MT1X: variants seen among roughly 807,000 people sequenced by gnomAD.
The protein encoded by MT1X is metallothionein 1X, also known as metallothionein-1X.
Under a neutral mutation model 8.6 loss-of-function variants are expected in MT1X, and 7 were observed. The observed-to-expected ratio is 0.81, with a 90% confidence interval of 0.46 to 1.52. The LOEUF (loss-of-function observed/expected upper bound fraction) is 1.52, where lower values mean the gene tolerates loss of function less well. MT1X is among the 40% of genes most tolerant of loss of function. The probability of loss-of-function intolerance (pLI) is 0.01; values close to 1 mark genes in which losing one functional copy is unlikely to be tolerated. For synonymous variants in MT1X, 25 were observed against 27.6 expected, an observed-to-expected ratio of 0.91 and a Z score of 0.30; for missense variants, 72 against 74.3, an observed-to-expected ratio of 0.97 and a Z score of 0.11.
chr16:56,683,415 A>G (rs1567358548), intron 2 of MT1X, 185 bp downstream of exon 2: 1 of 630,552 alleles, frequency 1.6e-6, no homozygotes, highest in East Asian at 3.1e-5. Flanking sequence ...TTACCAAACT[A>G]GAAACTGAGG....
At chr16:56,683,340 C>T in intron 2 of MT1X, 110 bp downstream of exon 2, 1 of 1,242,374 alleles carries the variant, frequency 8.0e-7, no homozygotes, top group Admixed American at 2.0e-5. Context: ...CAAACCCCTC[C>T]TTCAACACCT....
Position 56,684,125 on chromosome 16 carries a change from T to G in MT1X, c.*76T>G. 5 of 1,274,882 alleles carry G rather than the reference T, an allele frequency of 3.9e-6. No homozygotes were observed. The highest frequency in any genetic ancestry group is 5.3e-6 in the Non-Finnish European group (5 of 948,888). The allele number at this position is 1,274,882 out of a possible 1,614,324, so 79.0% of individuals were successfully genotyped here. ...TGGATTTTTTTTTTTTTTTTTTTTG[T>G]ACAACCCTGACCCGTTTGCTACATC... is the stretch of plus-strand genomic sequence containing the variant. On this transcript the variant is annotated 3_prime_UTR_variant, in exon 3 of 3. Transcript: ENST00000394485.
At chr16:56,683,396 A>G (rs1035134665) in intron 2 of MT1X, 166 bp downstream of exon 2, 24 of 720,076 alleles carry the variant, frequency 3.3e-5, no homozygotes, top group Non-Finnish European at 4.9e-5. Context: ...GGTGAGTCCC[A>G]GCCTCTTATT....
intron 2 of MT1X, 60 bp downstream of exon 2, chr16:56,683,290 A>T (rs149181278): frequency 1.9e-6 from 3 of 1,599,412 alleles, no homozygotes; most frequent in African/African-American, 1.3e-5. Context: ...CAGGGAACCC[A>T]GAGCTCTGCA....
intron 1 of MT1X, chr16:56,682,817 G>C (rs999186396): frequency 2.7e-5 from 16 of 602,850 alleles, no homozygotes; most frequent in Non-Finnish European, 4.4e-5. Flanking sequence ...GGGGCTGCTG[G>C]CTGAGCCCCA....
chr16:56,683,536 C>A, intron 2 of MT1X: 1 of 411,106 alleles, frequency 2.4e-6, no homozygotes, highest in Non-Finnish European at 4.4e-6. Context: ...CACTTAAGGC[C>A]CAGGATCTGG....
rs776781176 is a variant in MT1X at position 56,683,179 on chromosome 16, T to C, written c.43T>C (p.Cys15Arg). ...CTTCCTTGCAGTTGGCTCCTGTGCCTGTGCCGGCTCCTGCAAATGCAAAGA... is the reference window on the plus strand; with the variant it reads ...CTTCCTTGCAGTTGGCTCCTGTGCCCGTGCCGGCTCCTGCAAATGCAAAGA... ...CSCSPVGSCA[C>R]AGSCKCKECK... Residue 15 changes from cysteine to arginine, a missense_variant, in exon 2 of 3, where the codon TGT (cysteine) becomes CGT (arginine). Physicochemically the swap from Cys to Arg is radical, Grantham distance 180. Coordinates refer to ENST00000394485, the MANE Select transcript of MT1X (RefSeq NM_005952.4). 10 of 1,613,962 alleles carry C rather than the reference T, an allele frequency of 6.2e-6. No individual in the cohort carries two copies. Among genetic ancestry groups the C allele is most frequent in the South Asian group, 4.4e-5 (4 of 91,092 alleles).
At position 56,682,719 on chromosome 16, in the gene MT1X, A is replaced by G; in HGVS notation, c.28+151A>G. 4 of 972,392 alleles carry G rather than the reference A, an allele frequency of 4.1e-6. No individual in the cohort carries two copies. The South Asian group carries it at 6.1e-5, about 15-fold the overall frequency. 60.2% of individuals were successfully genotyped at this position (972,392 alleles called of 1,614,324 possible). On this transcript the variant is annotated intron_variant, in intron 1 of 2. Transcript: ENST00000394485. ...CTTTCTTCCCGATCACGTCCCTGAGACCACTTCTCGCCTCCCTGTGCCTCT... is the reference window on the plus strand; with the variant it reads ...CTTTCTTCCCGATCACGTCCCTGAGGCCACTTCTCGCCTCCCTGTGCCTCT...
At position 56,682,521 on chromosome 16, in the gene MT1X, C is replaced by T. The variant is rs1471252631; in HGVS notation, c.-20C>T. On this transcript the variant is annotated 5_prime_UTR_variant, in exon 1 of 3. Coordinates refer to ENST00000394485, the MANE Select transcript of MT1X (RefSeq NM_005952.4). ...GTGTTTTCCTCTTGATCGGGAACTC[C>T]TGCTTCTCCTTGCCTCGAAATGGAC... 13 of 1,614,090 alleles carry T rather than the reference C, an allele frequency of 8.1e-6. No homozygotes were observed. The highest frequency in any genetic ancestry group is 1.1e-5 in the Non-Finnish European group (13 of 1,180,034).
At chr16:56,683,744 C>A in intron 2 of MT1X, 1 of 656,812 alleles carries the variant, frequency 1.5e-6, no homozygotes, top group Non-Finnish European at 2.6e-6. Flanking sequence ...CCTGTCCAGT[C>A]TTCTGTCCTG....
chr16:56,683,399 C>G (rs1284365854), intron 2 of MT1X, 169 bp downstream of exon 2: 1 of 688,180 alleles, frequency 1.5e-6, no homozygotes, highest in African/African-American at 1.8e-5. Flanking sequence ...GAGTCCCAGC[C>G]TCTTATTACC....
In MT1X at chr16:56,683,149, T is replaced by C. The variant is rs1302015087; in HGVS notation, c.29-16T>C. The stretch of plus-strand genomic sequence containing the variant: ...CATCTCACTCCACGCTCACTGCCTT[T>C]TTCTCTTCCTTGCAGTTGGCTCCTG... On this transcript the variant is annotated splice_polypyrimidine_tract_variant and intron_variant, in intron 1 of 2. Coordinates refer to ENST00000394485, the MANE Select transcript of MT1X (RefSeq NM_005952.4). 1.2e-5 allele frequency: 19 copies of C among 1,613,654 alleles called. No individual in the cohort carries two copies. Among genetic ancestry groups the C allele is most frequent in the Non-Finnish European group, 1.5e-5 (18 of 1,179,794 alleles).
In MT1X at chr16:56,683,917, T is replaced by C. The variant is rs768121081; in HGVS notation, c.95-41T>C. The C allele has an allele frequency of 1.7e-5, 28 of 1,612,548 alleles. 1 individual carries two copies. The highest frequency in any genetic ancestry group is 5.5e-5 in the South Asian group (5 of 90,964). ...TCTGTTGGGGCAGGGAGGTGCCTGA[T>C]TGAGTCTGCTCTGACCTCTCACTCT... On this transcript the variant is annotated intron_variant, in intron 2 of 2. Coordinates refer to ENST00000394485, the MANE Select transcript of MT1X (RefSeq NM_005952.4).
At chr16:56,683,877 G>C (rs1337238475) in intron 2 of MT1X, 81 bp from the exon 3 acceptor site, 1 of 1,588,338 alleles carries the variant, frequency 6.3e-7, no homozygotes, top group Non-Finnish European at 8.6e-7. Flanking sequence ...CTGGAGGCAG[G>C]GCTCGAGCCA....
rs1394714302 is a variant in MT1X, at chr16:56,682,532, T to C, written c.-9T>C. ...TTGATCGGGAACTCCTGCTTCTCCTTGCCTCGAAATGGACCCCAACTGCTC... is the reference window on the plus strand; with the variant it reads ...TTGATCGGGAACTCCTGCTTCTCCTCGCCTCGAAATGGACCCCAACTGCTC... On this transcript the variant is annotated 5_prime_UTR_variant, in exon 1 of 3. Transcript: ENST00000394485. 3.1e-6 allele frequency: 5 copies of C among 1,614,104 alleles called. No homozygotes were observed. Among genetic ancestry groups the C allele is most frequent in the Admixed American group, 3.3e-5 (2 of 60,008 alleles).
rs377635444 is a variant in MT1X, at chr16:56,683,999, C to G, written c.136C>G (p.Gln46Glu). Residue 46 changes from glutamine to glutamate, a missense_variant, in exon 3 of 3, where the codon CAG becomes GAG. Gln to Glu is a conservative substitution (Grantham distance 29). Transcript: ENST00000394485. ...CCCTGTGGGCTGTGCCAAGTGTGCC[C>G]AGGGCTGCATCTGCAAAGGGACGTC... ...CCPVGCAKCA[Q>E]GCICKGTSDK... 1 of 1,614,182 alleles carries G rather than the reference C, an allele frequency of 6.2e-7. No homozygotes were observed. Among genetic ancestry groups the G allele is most frequent in the South Asian group, 1.1e-5 (1 of 91,082 alleles).
At chr16:56,683,851 T>C in intron 2 of MT1X, 107 bp from the exon 3 acceptor site, 3 of 1,475,280 alleles carry the variant, frequency 2.0e-6, no homozygotes, top group Middle Eastern at 4.4e-4. Flanking sequence ...CATCCTGAAA[T>C]GATGGTCCTC....
intron 2 of MT1X, 69 bp downstream of exon 2, chr16:56,683,299 C>T (rs757871639): frequency 6.4e-7 from 1 of 1,572,576 alleles, no homozygotes; most frequent in Non-Finnish European, 8.7e-7. Context: ...CAGAGCTCTG[C>T]AGGCAGGGGC....
At chr16:56,683,671 T>A in intron 2 of MT1X, 2 of 449,636 alleles carry the variant, frequency 4.4e-6, no homozygotes, top group Non-Finnish European at 7.9e-6. Context: ...GTGAAGACTT[T>A]CCTCATTTAA....
Sources: gnomAD v4.1 joint callset for allele counts on GRCh38, gnomAD v4.1.1 for gene constraint, MANE v1.5 for transcripts, NCBI Gene and HGNC (gene_info 2026-07-23, HGNC 2026-07-21) for gene names.